MTMR9: variants seen among roughly 807,000 people sequenced by gnomAD.
MTMR9 encodes the protein myotubularin related protein 9, also known as myotubularin-related protein 9.
In MTMR9, 39 loss-of-function variants were observed where a neutral mutation model predicts 69.5. That is an observed-to-expected ratio of 0.56 (90% CI 0.43 to 0.73). MTMR9 has a LOEUF of 0.73. Ranked by LOEUF, MTMR9 falls within the 30% of genes least tolerant of loss-of-function variation. The pLI is 0.00. For missense variants in MTMR9, 900 were observed against 671.2 expected, an observed-to-expected ratio of 1.34 and a Z score of -3.77; for synonymous variants, 354 against 240.8, an observed-to-expected ratio of 1.47 and a Z score of -4.35.
At chr8:11,333,249 A>G in the MTMR9 span, among the ~76,000 whole-genome samples, 1 of 152,260 alleles carries the variant, frequency 6.6e-6, no homozygotes, top group Non-Finnish European at 1.5e-5. Flanking sequence ...TCTTGAAAGT[A>G]GCAAGAGAAT....
intron 8 of MTMR9, chr8:11,317,962 A>G (rs1800499314): frequency 6.6e-6 from 1 of 152,164 alleles, no homozygotes; most frequent in African/African-American, 2.4e-5. Flanking sequence ...TGAATATGAC[A>G]TAATATCCTC....
At chr8:11,315,108 C>T in intron 7 of MTMR9, 44 bp downstream of exon 7, 1 of 1,593,080 alleles carries the variant, frequency 6.3e-7, no homozygotes, top group Non-Finnish European at 8.6e-7. Context: ...CTTATTGATG[C>T]TGTGATCCTG....
At chr8:11,287,867 ATT>A (rs1453832232) in intron 1 of MTMR9, among the ~76,000 whole-genome samples, 16 of 110,212 alleles carry the variant, frequency 1.5e-4, no homozygotes, top group African/African-American at 6.6e-4. Context: ...TATATATTAT[ATT>A]ATAATATATA....
At position 11,309,532 on chromosome 8, in the gene MTMR9, A is replaced by G; in HGVS notation, c.815A>G (p.His272Arg). ...TACTTTCTTACTTTTAAAAGGTATC[A>G]CATTCTTCAGGAGAGCTTAATCAAA... ...RRIHKSIERY[H>R]ILQESLIKLV... Residue 272 changes from histidine (H) to arginine (R), a missense_variant, in exon 6 of 10, where the codon CAC (histidine) becomes CGC (arginine). Coordinates refer to ENST00000221086, the MANE Select transcript of MTMR9 (RefSeq NM_015458.4). 1 of 1,606,670 alleles carries G rather than the reference A, an allele frequency of 6.2e-7. No homozygotes were observed.
At chr8:11,321,475 T>G (rs1456443193) in intron 9 of MTMR9, 2 of 456,480 alleles carry the variant, frequency 4.4e-6, no homozygotes, top group Middle Eastern at 3.2e-4. Context: ...AAGGATGATT[T>G]AATTGCTTTG....
chr8:11,312,104 G>T (rs1800223874), intron 6 of MTMR9, among the ~76,000 whole-genome samples: 1 of 152,080 alleles, frequency 6.6e-6, no homozygotes, highest in South Asian at 2.1e-4. Context: ...GAGTGTAGTG[G>T]CAGGATCACG....
At chr8:11,321,269 T>C (rs1800673231) in intron 9 of MTMR9, 2 of 376,780 alleles carry the variant, frequency 5.3e-6, no homozygotes, top group Non-Finnish European at 1.1e-5. Context: ...TGGTGACTGC[T>C]CAGAACTTCT....
At chr8:11,300,255 A>G (rs1274308327) in intron 3 of MTMR9, 107 bp downstream of exon 3, 16 of 1,207,782 alleles carry the variant, frequency 1.3e-5, no homozygotes, top group Non-Finnish European at 1.9e-5. Flanking sequence ...AAGTTGACTT[A>G]TCCATTCCTA....
In MTMR9 at chr8:11,284,972, C is replaced by T; in HGVS notation, c.84C>T (p.Thr28=). ...HRPFYPAVEG[T]LCLTGHHLIL... is the part of the protein sequence containing the mutation. ...CTTTCTACCCGGCTGTCGAGGGCAC[C>T]CTGTGCCTGACGGGCCACCACTTGA... The change falls in exon 1 of 10, where the codon ACC becomes ACT. Residue 28 remains threonine (T), a synonymous_variant. Transcript: ENST00000221086. The T allele has an allele frequency of 6.2e-7, 1 of 1,613,904 alleles. No homozygotes were observed. Among genetic ancestry groups the T allele is most frequent in the East Asian group, 2.2e-5 (1 of 44,846 alleles).
rs550455498 is a variant in MTMR9, at chr8:11,325,879, G to A, written c.*3091G>A. 1 of 152,062 alleles carries A rather than the reference G, an allele frequency of 6.6e-6. No homozygotes were observed. The highest frequency in any genetic ancestry group is 2.4e-5 in the African/African-American group (1 of 41,406). The allele number at this position is 152,062 out of a possible 1,614,324, so 9.4% of individuals were successfully genotyped here. On this transcript the variant is annotated 3_prime_UTR_variant, in exon 10 of 10. Coordinates refer to ENST00000221086, the MANE Select transcript of MTMR9 (RefSeq NM_015458.4). ...TTCCAAGAAAACTTAGGGTCTCAAA[G>A]CAAGATTTTAAAGTGATTTTTGAGA...
At chr8:11,298,291 C>T (rs539336308) in intron 2 of MTMR9, among the ~76,000 whole-genome samples, 3 of 152,152 alleles carry the variant, frequency 2.0e-5, no homozygotes, top group Non-Finnish European at 2.9e-5. Flanking sequence ...TTCTGATTGA[C>T]GGCAGCCCTG....
intron 9 of MTMR9, among the ~76,000 whole-genome samples, chr8:11,321,755 A>G (rs1455956188): frequency 6.6e-6 from 1 of 152,244 alleles, no homozygotes; most frequent in African/African-American, 2.4e-5. Context: ...AGAAAAATCA[A>G]CATGGGTGGG....
intron 9 of MTMR9, among the ~76,000 whole-genome samples, chr8:11,321,829 G>T (rs762500424): frequency 1.3e-5 from 2 of 152,168 alleles, no homozygotes; most frequent in Non-Finnish European, 2.9e-5. Context: ...GAGCTGCATA[G>T]AAGGGCTCAT....
downstream of MTMR9, chr8:11,331,066 G>C: frequency 6.4e-7 from 1 of 1,556,242 alleles, no homozygotes; most frequent in Non-Finnish European, 8.7e-7. Context: ...GAGGGGCCCA[G>C]GCTCCCTGAG....
intron 1 of MTMR9, among the ~76,000 whole-genome samples, chr8:11,288,332 A>G (rs1043286322): frequency 5.0e-5 from 7 of 140,278 alleles, no homozygotes; most frequent in Non-Finnish European, 4.6e-5. Context: ...TATATACATA[A>G]ATATATAATA....
At position 11,285,153 on chromosome 8, in the gene MTMR9, G is replaced by T. The variant is rs565995480; in HGVS notation, c.182+83G>T. On this transcript the variant is annotated intron_variant, in intron 1 of 9. Coordinates refer to ENST00000221086, the MANE Select transcript of MTMR9 (RefSeq NM_015458.4). The stretch of plus-strand genomic sequence containing the variant: ...CGGGAAATACTTCCTGGCGTTTTCC[G>T]CGCAGCCTGCCGCCCAGCTAGCCGG... 239 of 1,349,716 alleles carry T rather than the reference G, an allele frequency of 1.8e-4. 3 individuals carry two copies. In the South Asian group the frequency reaches 3.3e-3, roughly 19 times the overall value. 83.6% of individuals were successfully genotyped at this position (1,349,716 alleles called of 1,614,324 possible). A position where few individuals can be genotyped will look rare whatever the true frequency, so the allele number is the denominator to read the frequency against.
At chr8:11,299,525 C>T (rs956014075) in intron 2 of MTMR9, among the ~76,000 whole-genome samples, 3 of 152,158 alleles carry the variant, frequency 2.0e-5, no homozygotes, top group Non-Finnish European at 4.4e-5. Flanking sequence ...GAATTTCAGT[C>T]CGGCATTCTC....
chr8:11,304,345 G>A (rs540583747), intron 3 of MTMR9, among the ~76,000 whole-genome samples: 5 of 152,138 alleles, frequency 3.3e-5, no homozygotes, highest in South Asian at 2.1e-4. Flanking sequence ...ATCTGGAGTC[G>A]TACAGTCTTA....
intron 2 of MTMR9, chr8:11,299,018 C>A (rs1799659337): frequency 2.2e-6 from 1 of 451,036 alleles, no homozygotes; most frequent in Non-Finnish European, 2.9e-6. Flanking sequence ...GAATTTCTAC[C>A]TATGTAGAGC....
Sources: allele counts gnomAD v4.1 joint callset (sites outside exome capture counted in the v4.1 genomes callset), GRCh38; gene constraint gnomAD v4.1.1; transcripts MANE v1.5; gene names NCBI Gene and HGNC (gene_info 2026-07-23, HGNC 2026-07-21).